SLC38A5: variants seen among roughly 807,000 people sequenced by gnomAD.
SLC38A5 encodes the protein solute carrier family 38 member 5, also known as sodium-coupled neutral amino acid transporter 5.
Under a neutral mutation model 34.6 loss-of-function variants are expected in SLC38A5, and 9 were observed. The ratio of observed to expected loss-of-function variants is 0.26; its 90% CI spans 0.16 to 0.45. The LOEUF (loss-of-function observed/expected upper bound fraction) is 0.45. Among genes scored for constraint, SLC38A5 ranks in the 20% least tolerant of loss-of-function variants. The probability of loss-of-function intolerance (pLI) is 1.00; values close to 1 mark genes in which losing one functional copy is unlikely to be tolerated. For synonymous variants in SLC38A5, 157 were observed against 155.6 expected (o/e 1.01, Z -0.07); for missense variants, 253 against 394.7 (o/e 0.64, Z 3.04).
chrX:48,467,981 G>A (rs2061491484), intron 2 of SLC38A5, 56 bp from the exon 3 acceptor site: 1 of 1,115,845 alleles, frequency 9.0e-7, no homozygotes, highest in African/African-American at 1.8e-5. Flanking sequence ...ATGCTTCAAA[G>A]TGAGGGGAGC....
In SLC38A5 at chrX:48,467,890, A is replaced by G. The variant is rs782343566; in HGVS notation, c.35T>C (p.Leu12Pro). 1 of 1,205,502 alleles carries G rather than the reference A, an allele frequency of 8.3e-7. No homozygotes were observed. The highest frequency in any genetic ancestry group is 1.8e-5 in the African/African-American group (1 of 56,626). The change falls in exon 3 of 17, where the codon CTC (leucine) becomes CCC (proline). Residue 12 changes from leucine (L) to proline (P), a missense_variant. Around this residue, in one of 3 missense-constraint regions of SLC38A5, gnomAD observed 40 missense variants for 36.4 expected, o/e 1.10. Transcript: ENST00000620913. ...GACTCACCCCACAGCATCCGAAGGG[A>G]GGGCTCCATTCATCTTTGGATCCTG... ...ELQDPKMNGA[L>P]PSDAVGYRQE... is the part of the protein sequence containing the mutation.
At position 48,467,064 on chromosome X, in the gene SLC38A5, G is replaced by T. The variant is rs1556963653; in HGVS notation, c.143C>A (p.Thr48Lys). 1 of 1,209,539 alleles carries T rather than the reference G, an allele frequency of 8.3e-7. No homozygotes were observed. The highest frequency in any genetic ancestry group is 1.7e-5 in the African/African-American group (1 of 57,433). ...GTTGAACACTGACATTCCAAACGAT[G>T]TCTTCCCCTCGAACTGCACGCAAGG... ...PVQFMDFEGK[T>K]SFGMSVFNLS... The change falls in exon 5 of 17, where the codon ACA (threonine) becomes AAA (lysine). Residue 48 changes from threonine to lysine, a missense_variant. Coordinates refer to ENST00000620913, the MANE Select transcript of SLC38A5 (RefSeq NM_033518.4).
intron 16 of SLC38A5, chrX:48,459,327 T>C: frequency 2.3e-6 from 1 of 435,604 alleles, no homozygotes; most frequent in South Asian, 4.9e-5. Context: ...CCAGCCTCTG[T>C]TTGAGTGCTC....
chrX:48,462,367 G>A, intron 9 of SLC38A5, 76 bp from the exon 10 acceptor site: 1 of 1,051,117 alleles, frequency 9.5e-7, no homozygotes, highest in Non-Finnish European at 1.3e-6. Context: ...AGCGCTTTGG[G>A]AGGCCTAAGC....
At chrX:48,465,167 C>T (rs1253660932) in intron 8 of SLC38A5, among the ~76,000 whole-genome samples, 1 of 111,891 alleles carries the variant, frequency 8.9e-6, no homozygotes, top group East Asian at 2.8e-4. Flanking sequence ...CTGCTGGAGT[C>T]CCATCGTGCA....
Position 48,460,731 on chromosome X carries a change from C to T in SLC38A5, c.986G>A (p.Ser329Asn). Residue 329 changes from serine to asparagine, a missense_variant, in exon 14 of 17, where the codon AGC becomes AAC. Physicochemically the swap from Ser to Asn is conservative, Grantham distance 46 (BLOSUM62 1). This residue lies in a region of SLC38A5 where 176 missense variants were observed against 273.0 expected (regional missense o/e 0.64). Transcript: ENST00000620913. ...ACAGAGGATGAGCGGGTCCTTCTGG[C>T]TGTACATGTGCAGCATCTCCGCCTT... is the stretch of plus-strand genomic sequence containing the variant. ...SVKAEMLHMY[S>N]QKDPLILCVR... The T allele has an allele frequency of 8.3e-7, 1 of 1,212,065 alleles. No individual in the cohort carries two copies. Among genetic ancestry groups the T allele is most frequent in the Non-Finnish European group, 1.1e-6 (1 of 895,570 alleles).
At chrX:48,466,544 G>A (rs1453150841) in intron 6 of SLC38A5, among the ~76,000 whole-genome samples, 1 of 107,327 alleles carries the variant, frequency 9.3e-6, no homozygotes, top group Non-Finnish European at 1.9e-5. Flanking sequence ...TAAGAGTAGG[G>A]GTCTTGGAGC....
At chrX:48,463,853 GAGAAAGAA>G (rs201520618) in intron 8 of SLC38A5, among the ~76,000 whole-genome samples, 10,315 of 76,841 alleles carry the variant, frequency 0.13, 652 homozygotes, top group African/African-American at 0.15. Context: ...AAGAAAGAGA[GAGAAAGAA>G]AGAAAGAAAG....
chrX:48,463,563 G>A (rs944687502), intron 8 of SLC38A5, among the ~76,000 whole-genome samples: 1 of 108,784 alleles, frequency 9.2e-6, no homozygotes, highest in Middle Eastern at 4.3e-3. Context: ...CCGAGATCAC[G>A]CCACTGCACT....
intron 11 of SLC38A5, 23 bp from the exon 12 acceptor site, chrX:48,461,820 G>A: frequency 8.3e-7 from 1 of 1,199,056 alleles, no homozygotes; most frequent in South Asian, 1.8e-5. Flanking sequence ...CCGAGTACAT[G>A]GGATTAGAGC....
chrX:48,465,945 A>T (rs2061472799), intron 8 of SLC38A5, 70 bp downstream of exon 8: 4 of 928,622 alleles, frequency 4.3e-6, no homozygotes, highest in Admixed American at 6.7e-5. Flanking sequence ...CACAGCGCTG[A>T]AGATACTGAC....
At position 48,461,218 on chromosome X, in the gene SLC38A5, C is replaced by T. The variant is rs1357994043; in HGVS notation, c.852-132G>A. 24 of 516,955 alleles carry T rather than the reference C, an allele frequency of 4.6e-5. No individual in the cohort carries two copies. The East Asian group carries it at 7.3e-4, about 16-fold the overall frequency. 42.6% of individuals were successfully genotyped at this position (516,955 alleles called of 1,213,427 possible). A position where few individuals can be genotyped will look rare whatever the true frequency, so the allele number is the denominator to read the frequency against. On this transcript the variant is annotated intron_variant, in intron 12 of 16. Coordinates refer to ENST00000620913, the MANE Select transcript of SLC38A5 (RefSeq NM_033518.4). ...TTCAGCTGGCACACATGGGGACACC[C>T]GTCTCTGCCTCCCCTGTGACTAGCC...
Position 48,466,860 on chromosome X carries a change from C to A in SLC38A5, c.258G>T (p.Leu86=), listed in dbSNP as rs782633591. 4.1e-6 allele frequency: 5 copies of A among 1,206,969 alleles called. No individual in the cohort carries two copies. In the South Asian group the frequency reaches 8.9e-5, roughly 21 times the overall value. ...AGTAGGACGACAGAAGCGCAATGCA[C>A]AGCAGCAGGGCCCTGCGGCAGGTGG... ...TGVIFFLALL[L]CIALLSSYSI... is the part of the protein sequence containing the mutation. Residue 86 remains leucine, a synonymous_variant, in exon 6 of 17, where the codon CTG becomes CTT. Transcript: ENST00000620913.
At chrX:48,468,220 A>C in intron 2 of SLC38A5, 1 of 994,120 alleles carries the variant, frequency 1.0e-6, no homozygotes, top group Non-Finnish European at 1.3e-6. Flanking sequence ...GAGAGACAGA[A>C]AGCTACAGAG....
rs1569469331 is a variant in SLC38A5 at position 48,461,721 on chromosome X, C to T, written c.848G>A (p.Cys283Tyr). ...PEVLPIYTEL[C>Y]RPSKRRMQAV... is the part of the protein sequence containing the mutation. ...GCCCACTTGCCTGCCCACTCACCGG[C>T]AGAGCTCCGTATAGATGGGCAGCAC... is the stretch of plus-strand genomic sequence containing the variant. The change falls in exon 12 of 17, where the codon TGC becomes TAC. Residue 283 changes from cysteine to tyrosine, a missense_variant. By Grantham distance (194) the Cys-to-Tyr change is radical. Around this residue, in one of 3 missense-constraint regions of SLC38A5, gnomAD observed 176 missense variants for 273.0 expected, o/e 0.64. Coordinates refer to ENST00000620913, the MANE Select transcript of SLC38A5 (RefSeq NM_033518.4). The T allele has an allele frequency of 8.3e-7, 1 of 1,204,887 alleles. No homozygotes were observed.
intron 3 of SLC38A5, 41 bp from the exon 4 acceptor site, chrX:48,467,826 C>T (rs2061490204): frequency 2.5e-6 from 3 of 1,199,959 alleles, no homozygotes; most frequent in South Asian, 1.8e-5. Flanking sequence ...AGAGGGAAAT[C>T]CTGACCCCTG....
intron 6 of SLC38A5, 97 bp downstream of exon 6, chrX:48,466,702 C>A: frequency 2.1e-6 from 2 of 966,467 alleles, no homozygotes; most frequent in Non-Finnish European, 1.4e-6. Context: ...GGTCTGGGGT[C>A]TGGGGTCCAA....
chrX:48,461,535 CAATCAGCA>C (rs1440499953), intron 12 of SLC38A5, among the ~76,000 whole-genome samples, 175 bp downstream of exon 12: 1 of 112,097 alleles, frequency 8.9e-6, no homozygotes, highest in Non-Finnish European at 1.9e-5. Flanking sequence ...ACTTAAGCCC[CAATCAGCA>C]AACAGTCACT....
rs199605403 is a variant in SLC38A5 at position 48,462,215 on chromosome X, C to T, written c.633+18G>A. ...GTCCCAATGTCCCAAACTCTCTCCC[C>T]GCTTCTCTGTGACTCACCGAAACAA... On this transcript the variant is annotated intron_variant, in intron 10 of 16. Transcript: ENST00000620913. 1.6e-5 allele frequency: 19 copies of T among 1,209,516 alleles called. No homozygotes were observed. Among genetic ancestry groups the T allele is most frequent in the South Asian group, 3.5e-5 (2 of 56,758 alleles).
Sources: allele counts gnomAD v4.1 joint callset (sites outside exome capture counted in the v4.1 genomes callset), GRCh38; gene constraint gnomAD v4.1.1; regional missense constraint gnomAD v4.1.1; transcripts MANE v1.5; gene names NCBI Gene and HGNC (gene_info 2026-07-23, HGNC 2026-07-21).